The following LMO1 variants were observed in gnomAD, a reference collection of about 807,000 sequenced individuals.
LMO1 encodes the protein rhombotin-1.
Under a neutral mutation model 18.0 loss-of-function variants are expected in LMO1, and 10 were observed. That is an observed-to-expected ratio of 0.55 (90% CI 0.34 to 0.94). The LOEUF is 0.94. Among genes scored for constraint, LMO1 ranks in the 40% least tolerant of loss-of-function variants. The pLI, the probability that LMO1 is intolerant of heterozygous loss-of-function variation, is 0.02. For missense variants in LMO1, 183 were observed against 205.7 expected (o/e 0.89, Z 0.68); for synonymous variants, 77 against 77.9 (o/e 0.99, Z 0.06).
chr11:8,235,818 G>A (rs1024999394), intron 1 of LMO1, among the ~76,000 whole-genome samples: 1 of 152,206 alleles, frequency 6.6e-6, no homozygotes, highest in African/African-American at 2.4e-5. Context: ...GAGTCACCAT[G>A]AGAAAGAACG....
At chr11:8,267,076 C>T (rs1205710196), upstream of LMO1, among the ~76,000 whole-genome samples, 2 of 152,230 alleles carry the variant, frequency 1.3e-5, no homozygotes, top group African/African-American at 4.8e-5. Flanking sequence ...AGTCGGCAAA[C>T]TTTTCCTCTT....
chr11:8,228,784 G>T (rs1483614651), intron 2 of LMO1, among the ~76,000 whole-genome samples: 1 of 151,958 alleles, frequency 6.6e-6, no homozygotes, highest in Admixed American at 6.5e-5. Flanking sequence ...CCCATCAGAT[G>T]GTCTGCCACA....
intron 2 of LMO1, among the ~76,000 whole-genome samples, chr11:8,229,259 C>A (rs1952607419): frequency 6.6e-6 from 1 of 152,144 alleles, no homozygotes; most frequent in South Asian, 2.1e-4. Context: ...AGCACTAAGT[C>A]ACAGCTTCTG....
chr11:8,266,181 G>A (rs2134596260), upstream of LMO1, among the ~76,000 whole-genome samples: 1 of 152,216 alleles, frequency 6.6e-6, no homozygotes, highest in East Asian at 1.9e-4. Context: ...CTGTGAGCAT[G>A]GTGCTCCCAA....
At chr11:8,237,080 C>T (rs887539094) in intron 1 of LMO1, among the ~76,000 whole-genome samples, 1 of 152,072 alleles carries the variant, frequency 6.6e-6, no homozygotes, top group African/African-American at 2.4e-5. Flanking sequence ...GTGTTACCCT[C>T]ATGGACCCAC....
chr11:8,261,428 A>G (rs1162666520), intron 1 of LMO1, among the ~76,000 whole-genome samples: 2 of 152,236 alleles, frequency 1.3e-5, no homozygotes, highest in Non-Finnish European at 2.9e-5. Context: ...TCTCAGAGCC[A>G]GAGGCATCAT....
upstream of LMO1, among the ~76,000 whole-genome samples, chr11:8,266,323 C>T (rs895710386): frequency 6.6e-6 from 1 of 152,174 alleles, no homozygotes; most frequent in South Asian, 2.1e-4. Context: ...TGGCCTCTCT[C>T]CACTCACTGG....
At chr11:8,268,333 C>G (rs147803664), upstream of LMO1, 2 of 1,139,222 alleles carry the variant, frequency 1.8e-6, no homozygotes, top group South Asian at 3.7e-5. Context: ...GCTCTGCCGC[C>G]GCTAGCGGGG....
chr11:8,261,366 G>A (rs1847183523), intron 1 of LMO1, among the ~76,000 whole-genome samples: 2 of 152,160 alleles, frequency 1.3e-5, no homozygotes, highest in Admixed American at 6.5e-5. Flanking sequence ...TGGCTAAAAT[G>A]ACCTCCAGAA....
intron 1 of LMO1, among the ~76,000 whole-genome samples, chr11:8,255,512 G>A (rs890441477): frequency 6.6e-6 from 1 of 152,108 alleles, no homozygotes; most frequent in Non-Finnish European, 1.5e-5. Flanking sequence ...AAAAAGAGAA[G>A]GCTTTTGTGC....
At chr11:8,256,068 T>C (rs1449005136) in intron 1 of LMO1, among the ~76,000 whole-genome samples, 1 of 152,040 alleles carries the variant, frequency 6.6e-6, no homozygotes. Flanking sequence ...CTCGTGATCC[T>C]CCCGCCTCGG....
intron 2 of LMO1, among the ~76,000 whole-genome samples, chr11:8,228,813 G>A (rs1396291829): frequency 6.6e-6 from 1 of 152,152 alleles, no homozygotes; most frequent in Admixed American, 6.5e-5. Context: ...ACCTGGTAGA[G>A]TCAGCCCCCA....
rs191367939 is a variant in LMO1, at chr11:8,242,082, C to G, written c.26-11578G>C. On this transcript the variant is annotated intron_variant, in intron 1 of 3. Coordinates refer to ENST00000335790, the MANE Select transcript of LMO1 (RefSeq NM_002315.3). Reference sequence around the variant, plus strand: ...TTGTTGCTGCCCCTGTGCCACACCCCCTAGGTACCTGTAGCTATGTGGCCC... The same window carrying G: ...TTGTTGCTGCCCCTGTGCCACACCCGCTAGGTACCTGTAGCTATGTGGCCC... Among the ~76,000 whole-genome samples, 4 of 152,286 alleles carry G rather than the reference C, an allele frequency of 2.6e-5. No individual in the cohort carries two copies. In the East Asian group the frequency reaches 5.8e-4, roughly 22 times the overall value.
intron 1 of LMO1, among the ~76,000 whole-genome samples, chr11:8,233,063 C>T (rs929758546): frequency 6.6e-5 from 10 of 152,220 alleles, no homozygotes; most frequent in Admixed American, 4.6e-4. Context: ...CTGCCCGTGC[C>T]CAGGCTGGCC....
At chr11:8,251,057 C>T (rs1414073192) in intron 1 of LMO1, among the ~76,000 whole-genome samples, 1 of 152,120 alleles carries the variant, frequency 6.6e-6, no homozygotes, top group Non-Finnish European at 1.5e-5. Flanking sequence ...CTGTGTGTCC[C>T]AACCCCAGAA....
intron 1 of LMO1, among the ~76,000 whole-genome samples, chr11:8,246,461 C>T (rs925502632): frequency 1.3e-5 from 2 of 152,108 alleles, no homozygotes; most frequent in African/African-American, 4.8e-5. Flanking sequence ...TTGCATGATT[C>T]CATTTATATG....
chr11:8,233,042 C>T (rs1441037196), intron 1 of LMO1, among the ~76,000 whole-genome samples: 1 of 152,196 alleles, frequency 6.6e-6, no homozygotes, highest in Non-Finnish European at 1.5e-5. Flanking sequence ...CGCCGCAGGT[C>T]CCCCTCCCCA....
intron 1 of LMO1, among the ~76,000 whole-genome samples, chr11:8,263,060 A>T (rs1847214764): frequency 2.0e-5 from 3 of 151,718 alleles, no homozygotes; most frequent in Non-Finnish European, 4.4e-5. Flanking sequence ...GGCGCAGCAC[A>T]CGGCCAGTGC....
chr11:8,224,583 G>T lies in LMO1; in HGVS notation c.*33C>A. The stretch of plus-strand genomic sequence containing the variant: ...CAGGCAGGTGGGCAGGCGGGCAGAT[G>T]GACAGACGGGCCTGGAGGCCAGGCG... On this transcript the variant is annotated 3_prime_UTR_variant, in exon 4 of 4. Coordinates refer to ENST00000335790, the MANE Select transcript of LMO1 (RefSeq NM_002315.3). 2 of 1,399,858 alleles carry T rather than the reference G, an allele frequency of 1.4e-6. No individual in the cohort carries two copies. Among genetic ancestry groups the T allele is most frequent in the Non-Finnish European group, 2.0e-6 (2 of 1,008,034 alleles). 86.7% of individuals were successfully genotyped at this position (1,399,858 alleles called of 1,614,324 possible). A position where few individuals can be genotyped will look rare whatever the true frequency, so the allele number is the denominator to read the frequency against.
Sources: gnomAD v4.1 joint callset for allele counts (sites outside exome capture counted in the v4.1 genomes callset) on GRCh38, gnomAD v4.1.1 for gene constraint, MANE v1.5 for transcripts, NCBI Gene and HGNC (gene_info 2026-07-23, HGNC 2026-07-21) for gene names.